Variants in NTM observed in about 807,000 individuals in gnomAD.
NTM encodes neurotrimin.
NTM carries 13 observed loss-of-function variants against 42.1 expected under a neutral mutation model. The observed-to-expected ratio is 0.31, with a 90% CI of 0.20 to 0.49. The LOEUF is 0.49. Ranked by LOEUF, NTM falls within the 20% of genes least tolerant of loss-of-function variation. The pLI, the probability that NTM is intolerant of heterozygous loss-of-function variation, is 0.99. For synonymous variants in NTM, 187 were observed against 179.2 expected (o/e 1.04, Z -0.35); for missense variants, 373 against 452.8 (o/e 0.82, Z 1.60).
chr11:132,237,770 TG>T (rs1402929930), intron 4 of NTM, among the ~76,000 whole-genome samples: 1 of 152,136 alleles, frequency 6.6e-6, no homozygotes, highest in Non-Finnish European at 1.5e-5. Context: ...AGAGGAAATC[TG>T]GGCGCGCAGA....
intron 1 of NTM, among the ~76,000 whole-genome samples, chr11:131,684,135 G>A (rs575629790): frequency 4.6e-5 from 7 of 152,274 alleles, no homozygotes; most frequent in African/African-American, 1.7e-4. Context: ...AACCCCCTCT[G>A]GATTTTGCTG....
At chr11:131,722,266 A>G (rs756200000) in intron 1 of NTM, among the ~76,000 whole-genome samples, 3 of 152,146 alleles carry the variant, frequency 2.0e-5, no homozygotes, top group Non-Finnish European at 4.4e-5. Context: ...CCATCTCACT[A>G]CACTTAGATA....
In NTM at chr11:131,789,417, A is replaced by T. The variant is rs555991058; in HGVS notation, c.83-122147A>T. ...CAGAAGTATTGCTGCAGTTAAAAGAAAAAAAGAAGAAGGAAGAAGAAGAAG... is the reference window on the plus strand; with the variant it reads ...CAGAAGTATTGCTGCAGTTAAAAGATAAAAAGAAGAAGGAAGAAGAAGAAG... On this transcript the variant is annotated intron_variant, in intron 1 of 8. Transcript: ENST00000683400. Among the ~76,000 whole-genome samples the T allele has an allele frequency of 5.6e-5, 3 of 53,262 alleles. No individual in the cohort carries two copies. The South Asian group carries it at 1.3e-3, about 24-fold the overall frequency. 34.9% of individuals were successfully genotyped at this position (53,262 alleles called of 152,430 possible).
chr11:131,840,906 G>A (rs1354899433), intron 1 of NTM, among the ~76,000 whole-genome samples: 1 of 152,184 alleles, frequency 6.6e-6, no homozygotes, highest in Admixed American at 6.5e-5. Context: ...TGTCAGAGGT[G>A]GAGGATGACA....
chr11:131,940,550 A>G (rs1351137644), intron 2 of NTM, among the ~76,000 whole-genome samples: 1 of 152,246 alleles, frequency 6.6e-6, no homozygotes, highest in Non-Finnish European at 1.5e-5. Context: ...TACCTTATAG[A>G]CATATAGACA....
chr11:131,399,474 T>G (rs922214426), intron 1 of NTM, among the ~76,000 whole-genome samples: 4 of 152,198 alleles, frequency 2.6e-5, no homozygotes, highest in Non-Finnish European at 5.9e-5. Flanking sequence ...ATGGATTGTA[T>G]CTGTTCATTT....
rs1190049243 is a variant in NTM, at chr11:131,598,811, CTTCTTTCTTTCTTTCTTCTTTCT to C, written c.82+227942_82+227964del. On this transcript the variant is annotated intron_variant, in intron 1 of 8. Coordinates refer to ENST00000683400, the MANE Select transcript of NTM (RefSeq NM_001352005.2). ...TTTCTTTCTTTCTTTTTCTTTCTTT[CTTCTTTCTTTCTTTCTTCTTTCT>C]TTCTTTCTTTCTTTCTTCCTTCCTT... Among the ~76,000 whole-genome samples the C allele has an allele frequency of 1.9e-3, 82 of 42,866 alleles. 14 individuals carry two copies. Among genetic ancestry groups the C allele is most frequent in the African/African-American group, 5.7e-3 (78 of 13,716 alleles). 28.1% of individuals were successfully genotyped at this position (42,866 alleles called of 152,430 possible).
intron 1 of NTM, among the ~76,000 whole-genome samples, chr11:131,882,887 T>G (rs1318946309): frequency 6.6e-6 from 1 of 152,056 alleles, no homozygotes; most frequent in Non-Finnish European, 1.5e-5. Context: ...TTTTTTTTTC[T>G]TTTCCTGAGA....
At chr11:131,890,146 C>CTCTG (rs1181427196) in intron 1 of NTM, among the ~76,000 whole-genome samples, 2 of 65,688 alleles carry the variant, frequency 3.0e-5, no homozygotes, top group Admixed American at 2.9e-4. Context: ...CCCTCTCTCT[C>CTCTG]TCTCTCTCTG....
chr11:131,374,126 A>G (rs1370456862), intron 1 of NTM, among the ~76,000 whole-genome samples: 2 of 152,200 alleles, frequency 1.3e-5, no homozygotes. Flanking sequence ...TGACATAGGC[A>G]TTGTGGGCTC....
intron 1 of NTM, among the ~76,000 whole-genome samples, chr11:131,447,291 C>T (rs528662552): frequency 1.3e-5 from 2 of 152,302 alleles, no homozygotes; most frequent in East Asian, 1.9e-4. Context: ...TGACCTTTTC[C>T]TAGCCGCTGC....
At position 132,309,616 on chromosome 11, in the gene NTM, C is replaced by T. The variant is rs140897783; in HGVS notation, c.662-496C>T. On this transcript the variant is annotated intron_variant, in intron 5 of 8. Transcript: ENST00000683400. ...TGTACAGAGGAGAACAAAAGCAGTA[C>T]ATGAAAGGAAGACCCAGCTTTTTCT... Among the ~76,000 whole-genome samples, 888 of 152,248 alleles carry T rather than the reference C, an allele frequency of 5.8e-3. 10 individuals are homozygous for T. Among genetic ancestry groups the T allele is most frequent in the African/African-American group, 0.019 (793 of 41,538 alleles).
chr11:131,796,027 C>A, intron 1 of NTM: 3 of 985,340 alleles, frequency 3.0e-6, no homozygotes, highest in Non-Finnish European at 3.6e-6. Context: ...CAGCTGCCAG[C>A]CAGCATGTGC....
chr11:131,873,626 T>TATATATATACCGTATATATATAC (rs2048101740), intron 1 of NTM, among the ~76,000 whole-genome samples: 8 of 83,708 alleles, frequency 9.6e-5, no homozygotes, highest in African/African-American at 3.7e-4. Context: ...TATATATACA[T>TATATATATACCGTATATATATAC]ATATATATAC....
At chr11:132,225,813 C>T (rs2086136031) in intron 4 of NTM, among the ~76,000 whole-genome samples, 1 of 152,084 alleles carries the variant, frequency 6.6e-6, no homozygotes, top group Non-Finnish European at 1.5e-5. Context: ...CTGAACCCAT[C>T]AACCCATCAT....
chr11:132,335,424 T>G lies in NTM; in HGVS notation c.*278T>G. On this transcript the variant is annotated 3_prime_UTR_variant, in exon 9 of 9. Coordinates refer to ENST00000683400, the MANE Select transcript of NTM (RefSeq NM_001352005.2). ...CACAGCACACCCGGCTTGGACCCACTGCAAGCTGCATCGTGCAACCTCTTT... is the reference window on the plus strand; with the variant it reads ...CACAGCACACCCGGCTTGGACCCACGGCAAGCTGCATCGTGCAACCTCTTT... 1 of 385,444 alleles carries G rather than the reference T, an allele frequency of 2.6e-6. No homozygotes were observed. Among genetic ancestry groups the G allele is most frequent in the South Asian group, 2.4e-5 (1 of 40,952 alleles). The allele number at this position is 385,444 out of a possible 1,614,324, so 23.9% of individuals were successfully genotyped here. A position where few individuals can be genotyped will look rare whatever the true frequency, so the allele number is the denominator to read the frequency against.
At chr11:132,076,578 C>G (rs1344935701) in intron 2 of NTM, among the ~76,000 whole-genome samples, 2 of 152,020 alleles carry the variant, frequency 1.3e-5, no homozygotes, top group Non-Finnish European at 2.9e-5. Context: ...TTTCAGTTGA[C>G]AATAAGTTCT....
Position 131,881,510 on chromosome 11 carries a change from C to CACACACACACACA in NTM, c.83-30054_83-30053insACACACACACACA, listed in dbSNP as rs67919649. Among the ~76,000 whole-genome samples the CACACACACACACA allele has an allele frequency of 2.5e-3, 367 of 145,308 alleles. 3 individuals carry two copies. The highest frequency in any genetic ancestry group is 5.8e-3 in the African/African-American group (224 of 38,800). ...CACACACACACACACACACACACAC[C>CACACACACACACA]CCCCAAAGCTTTGACGCAGAGGAGC... On this transcript the variant is annotated intron_variant, in intron 1 of 8. Transcript: ENST00000683400.
At chr11:132,105,899 G>C (rs1339433611) in intron 2 of NTM, among the ~76,000 whole-genome samples, 2 of 152,130 alleles carry the variant, frequency 1.3e-5, no homozygotes, top group African/African-American at 4.8e-5. Context: ...TGCATGTGTG[G>C]GAGGGAGGCA....
Sources: allele counts gnomAD v4.1 joint callset (sites outside exome capture counted in the v4.1 genomes callset), GRCh38; gene constraint gnomAD v4.1.1; transcripts MANE v1.5; gene names NCBI Gene and HGNC (gene_info 2026-07-23, HGNC 2026-07-21).